Variants in KIAA0232 observed in about 807,000 individuals in gnomAD.
KIAA0232 encodes the protein uncharacterized protein KIAA0232.
KIAA0232 carries 27 observed loss-of-function variants against 122.0 expected under a neutral mutation model. That is an observed-to-expected ratio of 0.22 (90% CI 0.16 to 0.31). The LOEUF (loss-of-function observed/expected upper bound fraction) is 0.31, where lower values mean the gene tolerates loss of function less well. KIAA0232 is among the 10% of genes least tolerant of loss of function. The pLI, the probability that KIAA0232 is intolerant of heterozygous loss-of-function variation, is 1.00. For synonymous variants in KIAA0232, 613 were observed against 587.6 expected (o/e 1.04, Z -0.63); for missense variants, 1,551 against 1,634.2 (o/e 0.95, Z 0.88).
intron 1 of KIAA0232, among the ~76,000 whole-genome samples, chr4:6,787,576 T>C (rs974059482): frequency 1.3e-5 from 2 of 152,228 alleles, no homozygotes; most frequent in African/African-American, 4.8e-5. Context: ...AGAGACTTCC[T>C]TTCTTGACCA....
At chr4:6,797,736 A>G (rs2108903773) in intron 1 of KIAA0232, among the ~76,000 whole-genome samples, 1 of 143,842 alleles carries the variant, frequency 7.0e-6, no homozygotes, top group South Asian at 2.3e-4. Context: ...ACTGTGCTCC[A>G]GCTAGCCTGG....
chr4:6,787,470 CT>C (rs1252717008), intron 1 of KIAA0232, among the ~76,000 whole-genome samples: 1 of 152,174 alleles, frequency 6.6e-6, no homozygotes, highest in Non-Finnish European at 1.5e-5. Flanking sequence ...AGAGGCTATG[CT>C]TTGTGTACTG....
At chr4:6,865,923 T>C (rs1231357786) in intron 7 of KIAA0232, among the ~76,000 whole-genome samples, 1 of 152,210 alleles carries the variant, frequency 6.6e-6, no homozygotes, top group African/African-American at 2.4e-5. Flanking sequence ...TATAAGCTCC[T>C]TGTGGCTGTG....
intron 2 of KIAA0232, among the ~76,000 whole-genome samples, chr4:6,815,014 G>T (rs1474724361): frequency 6.6e-6 from 1 of 151,744 alleles, no homozygotes; most frequent in Non-Finnish European, 1.5e-5. Context: ...CTTTTCTCTT[G>T]GCACAAGCCT....
chr4:6,862,938 G>A lies in KIAA0232; in HGVS notation c.2556G>A (p.Ser852=), dbSNP rs770635746. The change falls in exon 7 of 10, where the codon TCG becomes TCA. Residue 852 remains serine (S), a synonymous_variant. Coordinates refer to ENST00000307659, the MANE Select transcript of KIAA0232 (RefSeq NM_014743.3). ...EIERTDAELF[S]ADVNNYCCCL... ...AAAGAACTGATGCTGAGTTGTTTTC[G>A]GCAGATGTAAATAACTACTGCTGCT... 1.5e-5 allele frequency: 25 copies of A among 1,614,016 alleles called. No homozygotes were observed. The Middle Eastern group carries it at 4.9e-4, about 32-fold the overall frequency.
intron 2 of KIAA0232, among the ~76,000 whole-genome samples, chr4:6,808,608 T>C (rs763330815): frequency 2.0e-5 from 3 of 151,598 alleles, no homozygotes; most frequent in Admixed American, 6.6e-5. Context: ...TGTCTCGATA[T>C]CACTGACACC....
intron 3 of KIAA0232, among the ~76,000 whole-genome samples, chr4:6,831,858 C>G (rs1396666378): frequency 6.6e-6 from 1 of 152,194 alleles, no homozygotes; most frequent in Non-Finnish European, 1.5e-5. Flanking sequence ...CTTTCTTTGC[C>G]TCTTCAAAGG....
chr4:6,881,276 A>G lies in KIAA0232; in HGVS notation c.*310A>G. On this transcript the variant is annotated 3_prime_UTR_variant, in exon 10 of 10. Coordinates refer to ENST00000307659, the MANE Select transcript of KIAA0232 (RefSeq NM_014743.3). ...GCTTTTTGCATCTTAACTGCAGTTA[A>G]TTTTCCTTCCGACTGCGGTTATATC... The G allele has an allele frequency of 4.7e-6, 1 of 213,902 alleles. No individual in the cohort carries two copies. The highest frequency in any genetic ancestry group is 9.9e-5 in the East Asian group (1 of 10,122). 13.3% of individuals were successfully genotyped at this position (213,902 alleles called of 1,614,324 possible).
rs1720940352 is a variant in KIAA0232 at position 6,862,672 on chromosome 4, G to T, written c.2290G>T (p.Asp764Tyr). 3 of 1,610,500 alleles carry T rather than the reference G, an allele frequency of 1.9e-6. No individual in the cohort carries two copies. Among genetic ancestry groups the T allele is most frequent in the South Asian group, 1.1e-5 (1 of 89,824 alleles). ...TGAAGAACTTCTAGATTTTTTGCAA[G>T]ATGAAACTTGCCAGCAAAACAGTAG... is the stretch of plus-strand genomic sequence containing the variant. ...VDEELLDFLQ[D>Y]ETCQQNSRTL... Residue 764 changes from aspartate to tyrosine, a missense_variant, in exon 7 of 10, where the codon GAT becomes TAT. This residue lies in a region of KIAA0232 where 1,108 missense variants were observed against 1,154.8 expected (regional missense o/e 0.96). Coordinates refer to ENST00000307659, the MANE Select transcript of KIAA0232 (RefSeq NM_014743.3).
intron 2 of KIAA0232, among the ~76,000 whole-genome samples, chr4:6,821,136 C>G (rs909093404): frequency 1.3e-5 from 2 of 152,202 alleles, no homozygotes; most frequent in African/African-American, 2.4e-5. Flanking sequence ...ATAGCATTTG[C>G]TGGCGATAAA....
intron 2 of KIAA0232, among the ~76,000 whole-genome samples, chr4:6,816,234 T>C (rs984588892): frequency 1.3e-5 from 2 of 152,098 alleles, no homozygotes; most frequent in Admixed American, 6.5e-5. Flanking sequence ...AATTTTTGCA[T>C]CTGTACTCAT....
rs758142703 is a variant in KIAA0232 at position 6,882,248 on chromosome 4, A to G, written c.*1282A>G. 1 of 152,154 alleles carries G rather than the reference A, an allele frequency of 6.6e-6. No homozygotes were observed. Among genetic ancestry groups the G allele is most frequent in the Non-Finnish European group, 1.5e-5 (1 of 68,014 alleles). The allele number at this position is 152,154 out of a possible 1,614,324, so 9.4% of individuals were successfully genotyped here. ...ATTGTTTTTCTTTTTTAACCAACTC[A>G]TTGTTTAAAAAACAAAAACAAAAAA... On this transcript the variant is annotated 3_prime_UTR_variant, in exon 10 of 10. Coordinates refer to ENST00000307659, the MANE Select transcript of KIAA0232 (RefSeq NM_014743.3).
At chr4:6,876,797 C>A in intron 9 of KIAA0232, 40 bp downstream of exon 9, 1 of 1,348,638 alleles carries the variant, frequency 7.4e-7, no homozygotes, top group Non-Finnish European at 1.1e-6. Context: ...AACTTACAAA[C>A]AGCCACCACC....
chr4:6,784,688 A>G (rs2108843047), intron 1 of KIAA0232, among the ~76,000 whole-genome samples: 1 of 152,352 alleles, frequency 6.6e-6, no homozygotes, highest in African/African-American at 2.4e-5. Context: ...AAAGTGGTTT[A>G]CAGCTTCCTT....
chr4:6,873,074 C>T (rs569528245), intron 8 of KIAA0232, among the ~76,000 whole-genome samples: 1 of 152,232 alleles, frequency 6.6e-6, no homozygotes, highest in African/African-American at 2.4e-5. Context: ...TGCTGCCGCC[C>T]TACCATTAGC....
At chr4:6,818,371 G>C (rs980303769) in intron 2 of KIAA0232, among the ~76,000 whole-genome samples, 2 of 146,038 alleles carry the variant, frequency 1.4e-5, no homozygotes, top group Non-Finnish European at 1.5e-5. Flanking sequence ...CTGCACTTGA[G>C]CCTGGGCAAC....
chr4:6,861,858 AGAGGACAATAAATAC>A lies in KIAA0232; in HGVS notation c.1477_1491del (p.Glu493_Tyr497del). 1 of 1,614,136 alleles carries A rather than the reference AGAGGACAATAAATAC, an allele frequency of 6.2e-7. No homozygotes were observed. The highest frequency in any genetic ancestry group is 8.5e-7 in the Non-Finnish European group (1 of 1,179,978). ...CTGGGACCTCATTATGTTCTCTACCAGAGGACAATAAATACCTGGATGATATTCATCTATCAGAAT... is the reference window on the plus strand; with the variant it reads ...CTGGGACCTCATTATGTTCTCTACCACTGGATGATATTCATCTATCAGAAT... On this transcript the variant is annotated inframe_deletion, in exon 7 of 10. Coordinates refer to ENST00000307659, the MANE Select transcript of KIAA0232 (RefSeq NM_014743.3).
At chr4:6,848,392 A>G (rs919717776) in intron 4 of KIAA0232, among the ~76,000 whole-genome samples, 4 of 152,218 alleles carry the variant, frequency 2.6e-5, no homozygotes, top group African/African-American at 9.7e-5. Context: ...GGTAACCAAC[A>G]GTGGATCAAA....
At chr4:6,821,923 C>T (rs190761447) in intron 2 of KIAA0232, among the ~76,000 whole-genome samples, 2 of 152,040 alleles carry the variant, frequency 1.3e-5, no homozygotes, top group East Asian at 3.9e-4. Context: ...GCTCCATTAT[C>T]TGCTCACTTG....
Sources: allele counts gnomAD v4.1 joint callset (sites outside exome capture counted in the v4.1 genomes callset), GRCh38; gene constraint gnomAD v4.1.1; regional missense constraint gnomAD v4.1.1; transcripts MANE v1.5; gene names NCBI Gene and HGNC (gene_info 2026-07-23, HGNC 2026-07-21).